The following ATP11B variants were observed in gnomAD, a reference collection of about 807,000 sequenced individuals.
The protein encoded by ATP11B is phospholipid-transporting ATPase IF.
In ATP11B, 81 loss-of-function variants were observed where a neutral mutation model predicts 157.8. That is an observed-to-expected ratio of 0.51 (90% CI 0.43 to 0.62). The LOEUF (loss-of-function observed/expected upper bound fraction) is 0.62, where lower values mean the gene tolerates loss of function less well. ATP11B is among the 20% of genes least tolerant of loss of function. The pLI is 0.00. For missense variants in ATP11B, 1,165 were observed against 1,402.2 expected, an observed-to-expected ratio of 0.83 and a Z score of 2.70; for synonymous variants, 451 against 469.4, an observed-to-expected ratio of 0.96 and a Z score of 0.51.
chr3:182,832,868 T>C (rs977720221), intron 4 of ATP11B, among the ~76,000 whole-genome samples: 1 of 152,164 alleles, frequency 6.6e-6, no homozygotes, highest in Non-Finnish European at 1.5e-5. Flanking sequence ...CAGTGAGCTG[T>C]AGCTAGCTAT....
Position 182,836,351 on chromosome 3 carries a change from A to G in ATP11B, c.433A>G (p.Ile145Val). 6.2e-7 allele frequency: 1 copy of G among 1,613,692 alleles called. No homozygotes were observed. The highest frequency in any genetic ancestry group is 8.5e-7 in the Non-Finnish European group (1 of 1,179,720). Residue 145 changes from isoleucine to valine, a missense_variant, in exon 6 of 30, where the codon ATT (isoleucine) becomes GTT (valine). Transcript: ENST00000323116. ...CCAAAATTCTTTATAGGTGGGTGAT[A>G]TTGTTCGAATAGCCAAAGATGAAAT... is the stretch of plus-strand genomic sequence containing the variant. ...TRSKNIRVGD[I>V]VRIAKDEIFP... is the part of the protein sequence containing the mutation.
intron 10 of ATP11B, among the ~76,000 whole-genome samples, chr3:182,857,563 T>TA (rs35003893): frequency 0.53 from 76,282 of 144,156 alleles, 22,425 homozygotes; most frequent in Non-Finnish European, 0.68. Flanking sequence ...GCTGAAAATG[T>TA]AAAAAAAAAA....
intron 25 of ATP11B, among the ~76,000 whole-genome samples, chr3:182,896,141 C>G (rs1355054795): frequency 6.6e-6 from 1 of 152,182 alleles, no homozygotes; most frequent in Non-Finnish European, 1.5e-5. Context: ...AGTTTTGGCT[C>G]TAAAGCCCAG....
At position 182,854,752 on chromosome 3, in the gene ATP11B, TACACACACACACACACACACACACAC is replaced by T. The variant is rs71183649; in HGVS notation, c.852-3103_852-3078del. Among the ~76,000 whole-genome samples the T allele has an allele frequency of 1.3e-4, 19 of 145,968 alleles. 1 individual carries two copies. The highest frequency in any genetic ancestry group is 7.5e-4 in the Admixed American group (11 of 14,628). On this transcript the variant is annotated intron_variant, in intron 10 of 29. Coordinates refer to ENST00000323116, the MANE Select transcript of ATP11B (RefSeq NM_014616.3). ...TATATAATATATATGTGCATGTGTT[TACACACACACACACACACACACACAC>T]ACACACACACACACACACACACCTG... is the stretch of plus-strand genomic sequence containing the variant.
In ATP11B at chr3:182,867,579, C is replaced by CTTTT. The variant is rs386398716; in HGVS notation, c.1688+154_1688+157dup. 1.0e-2 allele frequency: 1,517 copies of CTTTT among 152,362 alleles called. 9 individuals carry two copies. The highest frequency in any genetic ancestry group is 0.014 in the South Asian group (119 of 8,404). 9.4% of individuals were successfully genotyped at this position (152,362 alleles called of 1,614,324 possible). ...TTTCTACAGCCCACAAGTCACATTA[C>CTTTT]TTTTTTTTTTTTTTTTTTTTTTGAG... is the stretch of plus-strand genomic sequence containing the variant. On this transcript the variant is annotated intron_variant, in intron 15 of 29. Coordinates refer to ENST00000323116, the MANE Select transcript of ATP11B (RefSeq NM_014616.3).
intron 7 of ATP11B, among the ~76,000 whole-genome samples, chr3:182,841,147 C>G (rs953979188): frequency 2.0e-5 from 3 of 152,228 alleles, no homozygotes. Context: ...GTAACACCTT[C>G]AAGTCTGCTT....
rs374573067 is a variant in ATP11B at position 182,867,356 on chromosome 3, T to C, written c.1620-20T>C. ...AGTATTATTTCTTAAGTCTCACTTT[T>C]TTATCCTTTTGATGTCTAGGATTGG... On this transcript the variant is annotated intron_variant, in intron 14 of 29. Transcript: ENST00000323116. 9.5e-5 allele frequency: 145 copies of C among 1,521,278 alleles called. No homozygotes were observed. The highest frequency in any genetic ancestry group is 1.3e-4 in the Non-Finnish European group (138 of 1,096,886). The allele number at this position is 1,521,278 out of a possible 1,614,324, so 94.2% of individuals were successfully genotyped here.
chr3:182,854,029 C>T (rs760881623), intron 10 of ATP11B, among the ~76,000 whole-genome samples: 1 of 152,078 alleles, frequency 6.6e-6, no homozygotes, highest in Non-Finnish European at 1.5e-5. Flanking sequence ...CAAGTCAATT[C>T]AATGAAAAAT....
intron 1 of ATP11B, among the ~76,000 whole-genome samples, chr3:182,802,076 C>T (rs992005309): frequency 6.6e-6 from 1 of 152,114 alleles, no homozygotes. Flanking sequence ...TTAAAAAATG[C>T]ATTTTAAAAA....
intron 3 of ATP11B, among the ~76,000 whole-genome samples, chr3:182,829,178 A>T (rs755762676): frequency 6.6e-6 from 1 of 152,170 alleles, no homozygotes; most frequent in Non-Finnish European, 1.5e-5. Context: ...CAGCTTGTCC[A>T]TGGAATAGAA....
At chr3:182,820,446 G>A in intron 2 of ATP11B, 70 bp downstream of exon 2, 1 of 1,061,150 alleles carries the variant, frequency 9.4e-7, no homozygotes, top group Non-Finnish European at 1.5e-6. Flanking sequence ...CACTTTGGGA[G>A]GCCAAGGCGA....
At chr3:182,892,095 A>G (rs73883929) in intron 25 of ATP11B, among the ~76,000 whole-genome samples, 3,093 of 152,272 alleles carry the variant, frequency 0.02, 101 homozygotes, top group African/African-American at 0.072. Context: ...ACTCTCTCTT[A>G]ACTGTGAAAA....
rs1196396167 is a variant in ATP11B, at chr3:182,866,283, C to A, written c.1459C>A (p.Leu487Ile). The A allele has an allele frequency of 6.3e-7, 1 of 1,576,304 alleles. No homozygotes were observed. Among genetic ancestry groups the A allele is most frequent in the Admixed American group, 1.8e-5 (1 of 56,556 alleles). ...NETELIKEHD[L>I]FFKAVSLCHT... ...ATTTTTACAGATTAAAGAACATGAT[C>A]TCTTCTTTAAAGCAGTCAGTCTCTG... Residue 487 changes from leucine to isoleucine, a missense_variant, in exon 14 of 30, where the codon CTC becomes ATC. By Grantham distance (5) the Leu-to-Ile change is conservative. Coordinates refer to ENST00000323116, the MANE Select transcript of ATP11B (RefSeq NM_014616.3).
At chr3:182,862,501 A>C (rs78949543) in intron 12 of ATP11B, among the ~76,000 whole-genome samples, 1 of 152,264 alleles carries the variant, frequency 6.6e-6, no homozygotes, top group East Asian at 1.9e-4. Context: ...TCAGCCTACT[A>C]GGGGAATACA....
chr3:182,854,752 T>TACACACAC lies in ATP11B; in HGVS notation c.852-3085_852-3078dup, dbSNP rs71183649. ...TATATAATATATATGTGCATGTGTT[T>TACACACAC]ACACACACACACACACACACACACA... is the stretch of plus-strand genomic sequence containing the variant. On this transcript the variant is annotated intron_variant, in intron 10 of 29. Coordinates refer to ENST00000323116, the MANE Select transcript of ATP11B (RefSeq NM_014616.3). 9.5e-4 allele frequency among the ~76,000 whole-genome samples: 139 copies of TACACACAC among 145,856 alleles called. 2 individuals carry two copies. The highest frequency in any genetic ancestry group is 3.7e-4 in the Non-Finnish European group (25 of 66,720).
intron 29 of ATP11B, 188 bp downstream of exon 29, chr3:182,914,182 T>C: frequency 7.1e-7 from 1 of 1,402,246 alleles, no homozygotes; most frequent in Non-Finnish European, 9.2e-7. Context: ...GCTTTTTCAC[T>C]CACAAAGGAA....
intron 12 of ATP11B, among the ~76,000 whole-genome samples, chr3:182,864,243 ACTT>A (rs1209821001): frequency 4.6e-5 from 7 of 152,062 alleles, no homozygotes; most frequent in Non-Finnish European, 1.0e-4. Flanking sequence ...AATCATGTTA[ACTT>A]TTATTTCCCT....
chr3:182,890,522 C>A (rs999226739), intron 25 of ATP11B, among the ~76,000 whole-genome samples: 1 of 152,014 alleles, frequency 6.6e-6, no homozygotes, highest in Non-Finnish European at 1.5e-5. Context: ...CAAAATACAC[C>A]GGTGTAATAA....
intron 1 of ATP11B, among the ~76,000 whole-genome samples, chr3:182,805,887 G>C (rs1451988752): frequency 6.6e-6 from 1 of 152,030 alleles, no homozygotes; most frequent in East Asian, 1.9e-4. Context: ...CCATAATGTG[G>C]GTTGTAGTCC....
Sources: allele counts gnomAD v4.1 joint callset (sites outside exome capture counted in the v4.1 genomes callset), GRCh38; gene constraint gnomAD v4.1.1; transcripts MANE v1.5; gene names NCBI Gene and HGNC (gene_info 2026-07-23, HGNC 2026-07-21).